PTPN22: variants seen among roughly 807,000 people sequenced by gnomAD.
PTPN22 encodes the protein protein tyrosine phosphatase non-receptor type 22.
In PTPN22, 85 loss-of-function variants were observed where a neutral mutation model predicts 103.3. The ratio of observed to expected loss-of-function variants is 0.82; its 90% CI spans 0.69 to 0.99. PTPN22 has a LOEUF of 0.99. Among genes scored for constraint, PTPN22 ranks in the 50% least tolerant of loss-of-function variants. The pLI, the probability that PTPN22 is intolerant of heterozygous loss-of-function variation, is 0.00. For synonymous variants in PTPN22, 323 were observed against 310.2 expected, an observed-to-expected ratio of 1.04 and a Z score of -0.43; for missense variants, 865 against 936.9, an observed-to-expected ratio of 0.92 and a Z score of 1.00.
At chr1:113,830,134 C>A in intron 16 of PTPN22, 105 bp from the exon 17 acceptor site, 1 of 779,194 alleles carries the variant, frequency 1.3e-6, no homozygotes, top group Non-Finnish European at 2.0e-6. Context: ...CAATCTTAGC[C>A]GACAATCACC....
At chr1:113,833,579 C>T (rs186911366) in intron 15 of PTPN22, among the ~76,000 whole-genome samples, 1 of 152,188 alleles carries the variant, frequency 6.6e-6, no homozygotes, top group Non-Finnish European at 1.5e-5. Flanking sequence ...ATTTGCCTAT[C>T]AGCATTGCAA....
chr1:113,854,847 C>A, intron 8 of PTPN22, 60 bp downstream of exon 8: 2 of 1,554,834 alleles, frequency 1.3e-6, no homozygotes, highest in Non-Finnish European at 8.8e-7. Context: ...ATTACACAGT[C>A]CTGGCCAGAC....
chr1:113,852,576 G>A (rs921858604), intron 9 of PTPN22, among the ~76,000 whole-genome samples: 5 of 152,296 alleles, frequency 3.3e-5, no homozygotes, highest in African/African-American at 1.2e-4. Flanking sequence ...ATATAATTTA[G>A]GACAGTGGTC....
At chr1:113,862,029 C>T (rs1665657245) in intron 1 of PTPN22, among the ~76,000 whole-genome samples, 1 of 151,898 alleles carries the variant, frequency 6.6e-6, no homozygotes, top group Admixed American at 6.6e-5. Flanking sequence ...ACCTGTAATC[C>T]CAGCACTTTG....
intron 1 of PTPN22, among the ~76,000 whole-genome samples, chr1:113,863,138 CAG>C (rs1461327858): frequency 1.3e-5 from 2 of 152,130 alleles, no homozygotes; most frequent in African/African-American, 2.4e-5. Flanking sequence ...TGTCACCCAG[CAG>C]AGAGTTCAGT....
At chr1:113,851,874 AT>A (rs1465426461) in intron 10 of PTPN22, among the ~76,000 whole-genome samples, 152 bp downstream of exon 10, 1 of 152,262 alleles carries the variant, frequency 6.6e-6, no homozygotes, top group Non-Finnish European at 1.5e-5. Context: ...ATATTGGGAT[AT>A]TCAGAGTTAG....
intron 11 of PTPN22, among the ~76,000 whole-genome samples, chr1:113,844,056 A>C (rs995072933): frequency 1.3e-5 from 2 of 151,952 alleles, no homozygotes; most frequent in African/African-American, 4.8e-5. Flanking sequence ...CATAGCTCCT[A>C]TTTCATTCCT....
chr1:113,858,249 G>A (rs1202644364), intron 4 of PTPN22, among the ~76,000 whole-genome samples: 1 of 151,936 alleles, frequency 6.6e-6, no homozygotes, highest in Non-Finnish European at 1.5e-5. Flanking sequence ...GTAGAGACAG[G>A]GTTTTGCAAT....
At chr1:113,870,697 T>C (rs1026314274) in intron 1 of PTPN22, among the ~76,000 whole-genome samples, 8 of 152,074 alleles carry the variant, frequency 5.3e-5, no homozygotes, top group African/African-American at 1.7e-4. Context: ...AAAACACATG[T>C]TATAATATAT....
chr1:113,871,482 T>A (rs1017940751), intron 1 of PTPN22, 55 bp downstream of exon 1: 1 of 1,466,020 alleles, frequency 6.8e-7, no homozygotes, highest in African/African-American at 1.4e-5. Context: ...TGGACCCCCA[T>A]AGTCAGTTAA....
intron 10 of PTPN22, among the ~76,000 whole-genome samples, chr1:113,849,590 AT>A (rs1277674450): frequency 2.3e-4 from 18 of 76,678 alleles, no homozygotes; most frequent in African/African-American, 8.1e-4. Flanking sequence ...TTATTTATTT[AT>A]TTATTTTTTT....
intron 1 of PTPN22, among the ~76,000 whole-genome samples, chr1:113,866,285 G>A (rs1174930972): frequency 3.9e-5 from 6 of 152,148 alleles, no homozygotes; most frequent in Admixed American, 3.9e-4. Context: ...GGCCAAGGCA[G>A]GCAGATCATG....
At chr1:113,852,069 G>A (rs1454122893) in exon 10 of PTPN22, 8 of 1,611,394 alleles carry the variant, frequency 5.0e-6, no homozygotes, top group Non-Finnish European at 6.8e-6. Flanking sequence ...GCATTTCCCG[G>A]ATCAAACTGA....
chr1:113,829,102 G>A (rs1406720296), intron 18 of PTPN22: 1 of 151,918 alleles, frequency 6.6e-6, no homozygotes, highest in East Asian at 1.9e-4. Context: ...GACTAGTCCT[G>A]CTTCCCCCTA....
chr1:113,854,999 A>C (rs1664919363), exon 8 of PTPN22: 2 of 1,608,676 alleles, frequency 1.2e-6, no homozygotes, highest in Admixed American at 1.7e-5. Context: ...ATGAAGGTAC[A>C]TCATGGTCTG....
chr1:113,867,646 AT>A (rs1373687145), intron 1 of PTPN22, among the ~76,000 whole-genome samples: 57 of 152,334 alleles, frequency 3.7e-4, no homozygotes, highest in African/African-American at 1.3e-3. Flanking sequence ...ATTGCATTGC[AT>A]TCCTAGCATC....
intron 20 of PTPN22, among the ~76,000 whole-genome samples, chr1:113,817,629 TAG>T (rs1661270538): frequency 6.6e-6 from 1 of 152,108 alleles, no homozygotes; most frequent in South Asian, 2.1e-4. Context: ...CATTTTTTTG[TAG>T]AGACAGAGTC....
chr1:113,837,473 G>GA, intron 13 of PTPN22, 117 bp downstream of exon 13: 1 of 750,512 alleles, frequency 1.3e-6, no homozygotes. Flanking sequence ...AAAAAAAAGA[G>GA]AAAAAAGAAA....
intron 7 of PTPN22, among the ~76,000 whole-genome samples, chr1:113,855,422 G>A (rs1044374259): frequency 6.8e-6 from 1 of 147,746 alleles, no homozygotes; most frequent in Non-Finnish European, 1.5e-5. Context: ...TTGGACCCAG[G>A]AGGCTCAGGT....
Sources: allele counts gnomAD v4.1 joint callset (sites outside exome capture counted in the v4.1 genomes callset), GRCh38; gene constraint gnomAD v4.1.1; transcripts MANE v1.5; gene names NCBI Gene and HGNC (gene_info 2026-07-23, HGNC 2026-07-21).